The following KRT12 variants were observed in gnomAD, a reference collection of about 807,000 sequenced individuals.
KRT12 encodes the protein keratin 12, also known as keratin, type I cytoskeletal 12.
KRT12 carries 43 observed loss-of-function variants against 50.2 expected under a neutral mutation model. The observed-to-expected ratio is 0.86, with a 90% CI of 0.67 to 1.11. The LOEUF is 1.11. Ranked by LOEUF, KRT12 falls within the 50% of genes least tolerant of loss-of-function variation. The pLI is 0.00. For synonymous variants in KRT12, 257 were observed against 253.6 expected, an observed-to-expected ratio of 1.01 and a Z score of -0.13; for missense variants, 588 against 625.6, an observed-to-expected ratio of 0.94 and a Z score of 0.64.
intron 3 of KRT12, among the ~76,000 whole-genome samples, chr17:40,864,128 T>C (rs1249685025): frequency 2.6e-5 from 4 of 152,168 alleles, no homozygotes; most frequent in African/African-American, 4.8e-5. Context: ...GTCCCTGAAA[T>C]TACCACAGAC....
intron 3 of KRT12, 27 bp downstream of exon 3, chr17:40,864,779 T>C (rs1741768028): frequency 6.2e-7 from 1 of 1,608,856 alleles, no homozygotes; most frequent in Non-Finnish European, 8.5e-7. Flanking sequence ...AAAAAGTAGC[T>C]GAGTGAGGCT....
Position 40,866,948 on chromosome 17 carries a change from C to A in KRT12, c.239G>T (p.Gly80Val). Residue 80 changes from glycine to valine, a missense_variant, in exon 1 of 8, where the codon GGA (glycine) becomes GTA (valine). Coordinates refer to ENST00000251643, the MANE Select transcript of KRT12 (RefSeq NM_000223.4). ...GGCTCTCCCATAACCAGCACCCAGT[C>A]CTCCTGCCATGGAACTTCCGGAGCC... ...GGGSGSSMAG[G>V]LGAGYGRALG... 4 of 1,605,516 alleles carry A rather than the reference C, an allele frequency of 2.5e-6. No homozygotes were observed. Among genetic ancestry groups the A allele is most frequent in the Non-Finnish European group, 3.4e-6 (4 of 1,176,112 alleles).
chr17:40,863,548 C>G lies in KRT12; in HGVS notation c.1032G>C (p.Glu344Asp). ...NTEQLQSSKS[E>D]VTDLRRAFQN... ...GAAAGGCGCGACGCAGGTCGGTGAC[C>G]TCGCTCTTGCTGGACTGAAGCTGCT... Residue 344 changes from glutamate to aspartate, a missense_variant, in exon 5 of 8, where the codon GAG (glutamate) becomes GAC (aspartate). By Grantham distance (45) the Glu-to-Asp change is conservative. Coordinates refer to ENST00000251643, the MANE Select transcript of KRT12 (RefSeq NM_000223.4). The surrounding 1 kb of genome is among the most constrained non-coding windows in gnomAD (Gnocchi z 4.2). The G allele has an allele frequency of 6.2e-7, 1 of 1,614,248 alleles. No homozygotes were observed. Among genetic ancestry groups the G allele is most frequent in the Non-Finnish European group, 8.5e-7 (1 of 1,180,046 alleles).
chr17:40,866,709 A>G lies in KRT12; in HGVS notation c.478T>C (p.Trp160Arg), dbSNP rs763990129. The G allele has an allele frequency of 3.1e-6, 5 of 1,614,108 alleles. No individual in the cohort carries two copies. In the South Asian group the frequency reaches 5.5e-5, roughly 18 times the overall value. Residue 160 changes from tryptophan to arginine, a missense_variant, in exon 1 of 8, where the codon TGG becomes CGG. Coordinates refer to ENST00000251643, the MANE Select transcript of KRT12 (RefSeq NM_000223.4). ...GTCCCAGTTCCTCGTGTTTCATACC[A>G]TTCTCGAATTTTATTTTCTAGCTCA... ...NTELENKIRE[W>R]YETRGTGTAD...
At position 40,862,769 on chromosome 17, in the gene KRT12, T is replaced by G. The variant is rs985819831; in HGVS notation, c.1317-134A>C. Reference sequence around the variant, plus strand: ...AACTAGTGCAGACTCTGATCACTTTTGGAAAGCTTGTTAGAGTAGGTGGTT... The same window carrying G: ...AACTAGTGCAGACTCTGATCACTTTGGGAAAGCTTGTTAGAGTAGGTGGTT... On this transcript the variant is annotated intron_variant, in intron 6 of 7. Coordinates refer to ENST00000251643, the MANE Select transcript of KRT12 (RefSeq NM_000223.4). 3 of 753,426 alleles carry G rather than the reference T, an allele frequency of 4.0e-6. No individual in the cohort carries two copies. The African/African-American group carries it at 5.2e-5, about 13-fold the overall frequency. 46.7% of individuals were successfully genotyped at this position (753,426 alleles called of 1,614,324 possible). A position where few individuals can be genotyped will look rare whatever the true frequency, so the allele number is the denominator to read the frequency against.
Position 40,866,708 on chromosome 17 carries a change from C to T in KRT12, c.479G>A (p.Trp160Ter). The change falls in exon 1 of 8, where the codon TGG becomes TAG. Residue 160 changes from tryptophan to a stop codon, truncating the protein, a stop_gained. Transcript: ENST00000251643. LOFTEE classifies it high-confidence loss of function. ...NTELENKIRE[W>*]YETRGTGTAD... ...AGTCCCAGTTCCTCGTGTTTCATACCATTCTCGAATTTTATTTTCTAGCTC... is the reference window on the plus strand; with the variant it reads ...AGTCCCAGTTCCTCGTGTTTCATACTATTCTCGAATTTTATTTTCTAGCTC... The T allele has an allele frequency of 6.2e-7, 1 of 1,614,194 alleles. No homozygotes were observed.
Position 40,863,343 on chromosome 17 carries a change from T to C in KRT12, c.1096A>G (p.Lys366Glu). 1 of 1,613,900 alleles carries C rather than the reference T, an allele frequency of 6.2e-7. No homozygotes were observed. The highest frequency in any genetic ancestry group is 1.1e-5 in the South Asian group (1 of 91,036). The change falls in exon 6 of 8, where the codon AAG becomes GAG. Residue 366 changes from lysine (K) to glutamate (E), a missense_variant and splice_region_variant. Physicochemically the swap from Lys to Glu is moderately conservative, Grantham distance 56. Transcript: ENST00000251643. The surrounding 1 kb of genome is among the most constrained non-coding windows in gnomAD (Gnocchi z 4.2). Reference protein sequence around the residue: ...EIELQSQLAMKKSLEDSLAEA... With the variant: ...EIELQSQLAMEKSLEDSLAEA... ...GCCAAGGAGTCCTCCAGGGATTTCT[T>C]CTGCACGTGGGAGGGAAATGGCATA...
rs746351638 is a variant in KRT12 at position 40,863,640 on chromosome 17, G to A, written c.970-30C>T. 1.4e-5 allele frequency: 23 copies of A among 1,614,204 alleles called. No individual in the cohort carries two copies. Among genetic ancestry groups the A allele is most frequent in the Non-Finnish European group, 1.9e-5 (22 of 1,180,040 alleles). On this transcript the variant is annotated intron_variant, in intron 4 of 7. Transcript: ENST00000251643. The surrounding 1 kb of genome is among the most constrained non-coding windows in gnomAD (Gnocchi z 4.2). Reference sequence around the variant, plus strand: ...AACAGCAAAGACAGCCAGGGGGCTCGAGCGCTGAGCTCGTTCGCAGGCCTT... The same window carrying A: ...AACAGCAAAGACAGCCAGGGGGCTCAAGCGCTGAGCTCGTTCGCAGGCCTT...
rs1255431749 is a variant in KRT12, at chr17:40,866,958, T to C, written c.229A>G (p.Met77Val). ...TAACCAGCACCCAGTCCTCCTGCCATGGAACTTCCGGAGCCACCCCCAAAG... is the reference window on the plus strand; with the variant it reads ...TAACCAGCACCCAGTCCTCCTGCCACGGAACTTCCGGAGCCACCCCCAAAG... Reference protein sequence around the residue: ...SGFGGGSGSSMAGGLGAGYGR... With the variant: ...SGFGGGSGSSVAGGLGAGYGR... Residue 77 changes from methionine (M) to valine (V), a missense_variant, in exon 1 of 8, where the codon ATG becomes GTG. Physicochemically the swap from Met to Val is conservative, Grantham distance 21 (BLOSUM62 1). Transcript: ENST00000251643. 6.2e-7 allele frequency: 1 copy of C among 1,601,852 alleles called. No individual in the cohort carries two copies. Among genetic ancestry groups the C allele is most frequent in the African/African-American group, 1.3e-5 (1 of 74,118 alleles).
Position 40,867,026 on chromosome 17 carries a change from C to T in KRT12, c.161G>A (p.Gly54Glu), listed in dbSNP as rs774610996. The change falls in exon 1 of 8, where the codon GGG becomes GAG. Residue 54 changes from glycine (G) to glutamate (E), a missense_variant. By Grantham distance (98) the Gly-to-Glu change is moderately conservative. Transcript: ENST00000251643. ...CATGGAAGCAGCAGAAAAGCCTCCC[C>T]CACAGCTGGCTCCAAAGCCAAAGGC... ...GSAFGFGASC[G>E]GGFSAASMFG... The T allele has an allele frequency of 6.2e-7, 1 of 1,601,852 alleles. No individual in the cohort carries two copies. The highest frequency in any genetic ancestry group is 8.5e-7 in the Non-Finnish European group (1 of 1,173,712).
At chr17:40,862,677 C>T (rs775744117) in intron 6 of KRT12, 42 bp from the exon 7 acceptor site, 1 of 1,418,006 alleles carries the variant, frequency 7.1e-7, no homozygotes, top group South Asian at 1.2e-5. Flanking sequence ...AGTGAAACAA[C>T]CTGGCTTTTA....
chr17:40,861,945 GC>G (rs991968823), intron 7 of KRT12, among the ~76,000 whole-genome samples, 187 bp from the exon 8 acceptor site: 1 of 152,156 alleles, frequency 6.6e-6, no homozygotes, highest in Non-Finnish European at 1.5e-5. Context: ...ATTCAGTGTT[GC>G]CTTGTACATA....
chr17:40,861,780 G>C (rs1193542946), intron 7 of KRT12, 22 bp from the exon 8 acceptor site: 1 of 1,469,608 alleles, frequency 6.8e-7, no homozygotes. Flanking sequence ...AATGGAATAA[G>C]GGGGCAAGAG....
chr17:40,861,488 A>C lies in KRT12; in HGVS notation c.*173T>G. 1.6e-6 allele frequency: 1 copy of C among 627,282 alleles called. No homozygotes were observed. The allele number at this position is 627,282 out of a possible 1,614,324, so 38.9% of individuals were successfully genotyped here. ...ACATGACCAAAATGACTTGTGACTGAATATTGTTTCAGAAGGGCAAAAAGG... is the reference window on the plus strand; with the variant it reads ...ACATGACCAAAATGACTTGTGACTGCATATTGTTTCAGAAGGGCAAAAAGG... On this transcript the variant is annotated 3_prime_UTR_variant, in exon 8 of 8. Transcript: ENST00000251643.
At chr17:40,864,152 C>T (rs1369244497) in intron 3 of KRT12, among the ~76,000 whole-genome samples, 2 of 152,130 alleles carry the variant, frequency 1.3e-5, no homozygotes, top group Non-Finnish European at 2.9e-5. Context: ...GGGAGCAGTG[C>T]CTGCTGTGCC....
In KRT12 at chr17:40,863,253, C is replaced by A. The variant is rs758230367; in HGVS notation, c.1186G>T (p.Ala396Ser). 3 of 1,613,848 alleles carry A rather than the reference C, an allele frequency of 1.9e-6. No homozygotes were observed. Among genetic ancestry groups the A allele is most frequent in the South Asian group, 1.1e-5 (1 of 91,082 alleles). ...TCCGCGCGCACCTGGAGCAGCTGTG[C>A]CTCCAGGTTGCTGATGAGCTGCTGC... is the stretch of plus-strand genomic sequence containing the variant. Reference protein sequence around the residue: ...QVQQLISNLEAQLLQVRADAE... With the variant: ...QVQQLISNLESQLLQVRADAE... The change falls in exon 6 of 8, where the codon GCA becomes TCA. Residue 396 changes from alanine (A) to serine (S), a missense_variant. Ala to Ser is a moderately conservative substitution (Grantham distance 99, BLOSUM62 1). Coordinates refer to ENST00000251643, the MANE Select transcript of KRT12 (RefSeq NM_000223.4). The surrounding 1 kb of genome is among the most constrained non-coding windows in gnomAD (Gnocchi z 4.2).
intron 3 of KRT12, among the ~76,000 whole-genome samples, chr17:40,864,201 C>A (rs1182661978): frequency 6.6e-6 from 1 of 152,076 alleles, no homozygotes; most frequent in Non-Finnish European, 1.5e-5. Flanking sequence ...GGGACCACGA[C>A]CTTCACGTGA....
rs1370134340 is a variant in KRT12 at position 40,864,904 on chromosome 17, G to A, written c.709C>T (p.Arg237Trp). ...GVEADINGLR[R>W]VLDELTLTRT... ...GTCAGGGTCAGCTCGTCCAGCACCCGGCGCAGGCCATTGATGTCGGCCTCT... is the reference window on the plus strand; with the variant it reads ...GTCAGGGTCAGCTCGTCCAGCACCCAGCGCAGGCCATTGATGTCGGCCTCT... Residue 237 changes from arginine (R) to tryptophan (W), a missense_variant, in exon 3 of 8, where the codon CGG becomes TGG. Physicochemically the swap from Arg to Trp is moderately radical, Grantham distance 101 (BLOSUM62 -3). Transcript: ENST00000251643. 1.4e-5 allele frequency: 22 copies of A among 1,614,072 alleles called. No homozygotes were observed. The highest frequency in any genetic ancestry group is 2.2e-5 in the South Asian group (2 of 91,092).
rs1567740529 is a variant in KRT12 at position 40,864,787 on chromosome 17, GC to G, written c.807+18del. On this transcript the variant is annotated intron_variant, in intron 3 of 7. Transcript: ENST00000251643. ...AGAAAAAAAAAAGTAGCTGAGTGAG[GC>G]TGCCCTGTCTGACTCACATCCTCGT... 1 of 1,613,386 alleles carries G rather than the reference GC, an allele frequency of 6.2e-7. No homozygotes were observed. The highest frequency in any genetic ancestry group is 2.2e-5 in the East Asian group (1 of 44,884).
Sources: gnomAD v4.1 joint callset for allele counts (sites outside exome capture counted in the v4.1 genomes callset) on GRCh38, gnomAD v4.1.1 for gene constraint, Gnocchi (gnomAD v3.1) non-coding constraint, MANE v1.5 for transcripts, NCBI Gene and HGNC (gene_info 2026-07-23, HGNC 2026-07-21) for gene names.